ZNF678: variants seen among roughly 807,000 people sequenced by gnomAD.
ZNF678 encodes the protein hypothetical protein MGC42493.
A neutral mutation model predicts 3.0 loss-of-function variants in ZNF678; 5 were observed. The observed-to-expected ratio is 1.69, with a 90% CI of 0.88 to 3.56. ZNF678 has a LOEUF of 3.56. Ranked by LOEUF, ZNF678 falls within the 30% of genes most tolerant of loss-of-function variation. The probability of loss-of-function intolerance (pLI) is 0.00; values close to 1 mark genes in which losing one functional copy is unlikely to be tolerated. For missense variants in ZNF678, 593 were observed against 605.0 expected (o/e 0.98, Z 0.21); for synonymous variants, 218 against 199.6 (o/e 1.09, Z -0.78).
At chr1:227,610,025 G>C (rs557253946) in intron 1 of ZNF678, among the ~76,000 whole-genome samples, 1 of 152,114 alleles carries the variant, frequency 6.6e-6, no homozygotes, top group Non-Finnish European at 1.5e-5. Flanking sequence ...GAGCCACCGC[G>C]CTCGACCCTC....
In ZNF678 at chr1:227,661,060, TATA is replaced by T. The variant is rs1205956698; in HGVS notation, c.*5235_*5237del. On this transcript the variant is annotated 3_prime_UTR_variant, in exon 4 of 4. Coordinates refer to ENST00000343776, the MANE Select transcript of ZNF678 (RefSeq NM_001367909.1). ...CATCATATGTTACATTCTCGTGACA[TATA>T]ATGTCTACTGCTTATAATGTCTACT... 1 of 152,180 alleles carries T rather than the reference TATA, an allele frequency of 6.6e-6. No homozygotes were observed. The highest frequency in any genetic ancestry group is 2.4e-5 in the African/African-American group (1 of 41,444). 9.4% of individuals were successfully genotyped at this position (152,180 alleles called of 1,614,324 possible).
chr1:227,650,116 A>G (rs1381718536), intron 2 of ZNF678, among the ~76,000 whole-genome samples: 1 of 152,174 alleles, frequency 6.6e-6, no homozygotes, highest in Non-Finnish European at 1.5e-5. Flanking sequence ...TTTTTAAAAT[A>G]TATTTTCTTC....
chr1:227,622,909 A>G (rs1014100480), intron 1 of ZNF678, among the ~76,000 whole-genome samples: 1 of 152,226 alleles, frequency 6.6e-6, no homozygotes, highest in Non-Finnish European at 1.5e-5. Context: ...ACCGGGACAG[A>G]TCAATACATG....
intron 1 of ZNF678, among the ~76,000 whole-genome samples, chr1:227,584,396 T>G (rs986768657): frequency 6.6e-6 from 1 of 152,192 alleles, no homozygotes; most frequent in African/African-American, 2.4e-5. Flanking sequence ...TATGCATAAA[T>G]AAGCAAATAT....
At chr1:227,654,193 A>G in intron 3 of ZNF678, 143 bp from the exon 4 acceptor site, 2 of 693,776 alleles carry the variant, frequency 2.9e-6, no homozygotes, top group Non-Finnish European at 4.3e-6. Flanking sequence ...TTAAGTTTAT[A>G]TGTTCAAAAA....
chr1:227,598,038 C>G (rs569052444), intron 1 of ZNF678, among the ~76,000 whole-genome samples: 1 of 152,294 alleles, frequency 6.6e-6, no homozygotes, highest in African/African-American at 2.4e-5. Flanking sequence ...TTAATGTAAT[C>G]CCTCCTCCAA....
At chr1:227,592,432 T>G (rs1207811063) in intron 1 of ZNF678, among the ~76,000 whole-genome samples, 4 of 152,232 alleles carry the variant, frequency 2.6e-5, no homozygotes, top group African/African-American at 9.6e-5. Context: ...GCCACTGGCC[T>G]TGGCCAGGGC....
intron 3 of ZNF678, among the ~76,000 whole-genome samples, chr1:227,653,217 C>T (rs1047229993): frequency 2.0e-5 from 3 of 151,910 alleles, no homozygotes; most frequent in Admixed American, 1.3e-4. Context: ...ATTTCAAAAT[C>T]TTGCTTATAA....
At chr1:227,631,188 G>GATGAGCATTAGTCCTAGAGC (rs1278089950) in intron 1 of ZNF678, among the ~76,000 whole-genome samples, 24 of 152,148 alleles carry the variant, frequency 1.6e-4, no homozygotes, top group Non-Finnish European at 2.9e-4. Flanking sequence ...GTCATTTTCC[G>GATGAGCATTAGTCCTAGAGC]ATGAGCATTA....
intron 1 of ZNF678, among the ~76,000 whole-genome samples, chr1:227,634,591 G>T (rs1258646150): frequency 1.3e-5 from 2 of 152,176 alleles, no homozygotes; most frequent in African/African-American, 4.8e-5. Context: ...ACTCTCCATG[G>T]TCTGTGATCG....
chr1:227,652,144 A>G (rs1298924936), intron 3 of ZNF678, among the ~76,000 whole-genome samples: 5 of 152,206 alleles, frequency 3.3e-5, no homozygotes, highest in Admixed American at 2.6e-4. Flanking sequence ...TTCCCAATAA[A>G]TGAACACTTT....
chr1:227,603,134 G>A (rs1485385864), intron 1 of ZNF678, among the ~76,000 whole-genome samples: 1 of 152,192 alleles, frequency 6.6e-6, no homozygotes, highest in South Asian at 2.1e-4. Flanking sequence ...CTCCACGTGT[G>A]AATGAAGTCT....
At chr1:227,575,456 A>G (rs536544753) in intron 1 of ZNF678, among the ~76,000 whole-genome samples, 1 of 151,966 alleles carries the variant, frequency 6.6e-6, no homozygotes, top group South Asian at 2.1e-4. Flanking sequence ...GAGATCTTTC[A>G]CCTTCCTAGT....
intron 5 of ZNF678, among the ~76,000 whole-genome samples, chr1:227,676,395 A>C (rs965125953): frequency 6.6e-6 from 1 of 152,228 alleles, no homozygotes; most frequent in Non-Finnish European, 1.5e-5. Flanking sequence ...AGAGCCATGA[A>C]TGGGAAACAG....
At chr1:227,584,820 G>A (rs1166729880) in intron 1 of ZNF678, among the ~76,000 whole-genome samples, 13 of 152,170 alleles carry the variant, frequency 8.5e-5, no homozygotes, top group Admixed American at 5.2e-4. Context: ...GGACAGCCAG[G>A]GTGATCAGAC....
intron 1 of ZNF678, among the ~76,000 whole-genome samples, chr1:227,612,494 T>C (rs546840608): frequency 2.6e-5 from 4 of 152,234 alleles, no homozygotes; most frequent in Admixed American, 2.6e-4. Context: ...TCTATTTTTA[T>C]TCACCGTGTC....
At chr1:227,571,782 C>T (rs899555390) in intron 1 of ZNF678, among the ~76,000 whole-genome samples, 1 of 152,228 alleles carries the variant, frequency 6.6e-6, no homozygotes, top group Non-Finnish European at 1.5e-5. Context: ...GTGGCTCATG[C>T]CTGTAATCCC....
At chr1:227,592,541 G>A (rs779668023) in intron 1 of ZNF678, among the ~76,000 whole-genome samples, 9 of 152,218 alleles carry the variant, frequency 5.9e-5, no homozygotes, top group African/African-American at 1.2e-4. Context: ...GGCTGGGGCC[G>A]ACATGAGTTT....
At chr1:227,677,737 T>G (rs6671825), downstream of ZNF678, among the ~76,000 whole-genome samples, 72,404 of 152,044 alleles carry the variant, frequency 0.48, 18,206 homozygotes, top group African/African-American at 0.63. Flanking sequence ...CCAAATACAG[T>G]TTACAGTAGG....
Sources: allele counts gnomAD v4.1 joint callset (sites outside exome capture counted in the v4.1 genomes callset), GRCh38; gene constraint gnomAD v4.1.1; transcripts MANE v1.5; gene names NCBI Gene and HGNC (gene_info 2026-07-23, HGNC 2026-07-21).